Variants in HMOX2 observed in about 807,000 individuals in gnomAD.
HMOX2 encodes heme oxygenase (decycling) 2.
HMOX2 carries 30 observed loss-of-function variants against 33.7 expected under a neutral mutation model. The ratio of observed to expected loss-of-function variants is 0.89; its 90% CI spans 0.67 to 1.21. The LOEUF (loss-of-function observed/expected upper bound fraction) is 1.21, where lower values mean the gene tolerates loss of function less well. Among genes scored for constraint, HMOX2 ranks in the 50% most tolerant of loss-of-function variants. The pLI, the probability that HMOX2 is intolerant of heterozygous loss-of-function variation, is 0.00. For synonymous variants in HMOX2, 155 were observed against 155.0 expected, an observed-to-expected ratio of 1.00 and a Z score of 0.00; for missense variants, 403 against 399.1, an observed-to-expected ratio of 1.01 and a Z score of -0.08.
chr16:4,490,104 C>T (rs529050057), intron 1 of HMOX2, among the ~76,000 whole-genome samples: 1 of 152,194 alleles, frequency 6.6e-6, no homozygotes, highest in Non-Finnish European at 1.5e-5. Flanking sequence ...TAAACATACA[C>T]ATACCATAAC....
At chr16:4,493,743 C>T (rs1411984649) in intron 1 of HMOX2, among the ~76,000 whole-genome samples, 3 of 152,198 alleles carry the variant, frequency 2.0e-5, no homozygotes, top group Admixed American at 1.3e-4. Flanking sequence ...GCCCCAGCTC[C>T]TCGTGTGTCT....
chr16:4,501,323 C>A (rs2058552937), intron 1 of HMOX2, among the ~76,000 whole-genome samples: 1 of 152,084 alleles, frequency 6.6e-6, no homozygotes, highest in African/African-American at 2.4e-5. Context: ...TGTTTGGGAT[C>A]CTTTTTAAAA....
At chr16:4,475,264 C>T (rs4786500), upstream of HMOX2, among the ~76,000 whole-genome samples, 107,433 of 151,766 alleles carry the variant, frequency 0.71, 38,153 homozygotes, top group Non-Finnish European at 0.73. Context: ...TAACTCACTT[C>T]TGAAGTTGCT....
chr16:4,506,836 C>A, intron 2 of HMOX2, 59 bp from the exon 3 acceptor site: 2 of 1,260,032 alleles, frequency 1.6e-6, no homozygotes, highest in Non-Finnish European at 2.3e-6. Flanking sequence ...TCTCTATGGT[C>A]CTTTCTGGAA....
chr16:4,502,411 TG>T (rs2058580842), intron 1 of HMOX2, among the ~76,000 whole-genome samples: 1 of 152,214 alleles, frequency 6.6e-6, no homozygotes, highest in Admixed American at 6.5e-5. Flanking sequence ...TTACTGCAGT[TG>T]GTAACCTGGG....
At chr16:4,500,250 G>T (rs564435091) in intron 1 of HMOX2, among the ~76,000 whole-genome samples, 21 of 152,322 alleles carry the variant, frequency 1.4e-4, no homozygotes, top group African/African-American at 5.1e-4. Context: ...GCAGGCAGGG[G>T]ACCCCCATCC....
At chr16:4,509,367 T>C (rs779298413) in intron 4 of HMOX2, 45 bp from the exon 5 acceptor site, 3 of 1,561,000 alleles carry the variant, frequency 1.9e-6, no homozygotes, top group African/African-American at 1.4e-5. Context: ...AAAAAAAAAG[T>C]ATGGGCAGCC....
At chr16:4,482,185 G>C (rs1301428195) in intron 1 of HMOX2, among the ~76,000 whole-genome samples, 1 of 152,158 alleles carries the variant, frequency 6.6e-6, no homozygotes, top group Admixed American at 6.5e-5. Context: ...TCAAATGTCT[G>C]TGTTCAGTGT....
In HMOX2 at chr16:4,482,516, G is replaced by A. The variant is rs181686769; in HGVS notation, c.-42+6029G>A. Reference sequence around the variant, plus strand: ...TTCTGATACTCTATCTGGAGATAGCGTCAGATCCCACCAATTGAGGGCTCA... The same window carrying A: ...TTCTGATACTCTATCTGGAGATAGCATCAGATCCCACCAATTGAGGGCTCA... On this transcript the variant is annotated intron_variant, in intron 1 of 5. Transcript: ENST00000570646. 8.1e-4 allele frequency among the ~76,000 whole-genome samples: 124 copies of A among 152,196 alleles called. 1 individual carries two copies. In the Middle Eastern group the frequency reaches 0.01, roughly 13 times the overall value.
chr16:4,500,636 CT>C (rs1353532388), intron 1 of HMOX2, among the ~76,000 whole-genome samples: 11 of 152,092 alleles, frequency 7.2e-5, no homozygotes, highest in Non-Finnish European at 1.0e-4. Flanking sequence ...TAATATAGTC[CT>C]TAGATTATAT....
chr16:4,487,814 G>A (rs960737791), intron 1 of HMOX2, among the ~76,000 whole-genome samples: 5 of 151,134 alleles, frequency 3.3e-5, no homozygotes, highest in African/African-American at 7.3e-5. Flanking sequence ...AGCCGGGCGC[G>A]GTGGCATATG....
At chr16:4,509,040 C>A (rs2058764283) in intron 4 of HMOX2, among the ~76,000 whole-genome samples, 1 of 152,198 alleles carries the variant, frequency 6.6e-6, no homozygotes, top group South Asian at 2.1e-4. Context: ...AGCTCACTCT[C>A]TCTGGAGGGC....
intron 1 of HMOX2, among the ~76,000 whole-genome samples, chr16:4,500,746 T>C (rs1490677652): frequency 6.6e-6 from 1 of 152,212 alleles, no homozygotes; most frequent in Non-Finnish European, 1.5e-5. Context: ...TCAGAAGTCC[T>C]GGTAGTGCCT....
intron 1 of HMOX2, among the ~76,000 whole-genome samples, chr16:4,489,890 C>T (rs1157444142): frequency 6.6e-5 from 10 of 152,150 alleles, no homozygotes; most frequent in African/African-American, 2.4e-4. Flanking sequence ...GGATTACAGG[C>T]GTGAGCCACC....
intron 1 of HMOX2, among the ~76,000 whole-genome samples, chr16:4,489,954 A>T (rs1348401817): frequency 6.6e-6 from 1 of 152,218 alleles, no homozygotes; most frequent in Non-Finnish European, 1.5e-5. Context: ...GCCCTCTGTC[A>T]TCAGCACTTT....
At chr16:4,504,851 G>A (rs1406643802) in intron 1 of HMOX2, among the ~76,000 whole-genome samples, 1 of 150,992 alleles carries the variant, frequency 6.6e-6, no homozygotes, top group Admixed American at 6.6e-5. Context: ...CACCATGCCC[G>A]GCTATTTTTT....
At chr16:4,486,819 C>T (rs954130875) in intron 1 of HMOX2, among the ~76,000 whole-genome samples, 2 of 152,238 alleles carry the variant, frequency 1.3e-5, no homozygotes, top group African/African-American at 4.8e-5. Context: ...CACAGCTGAG[C>T]AAACTAGGCC....
At chr16:4,507,670 G>A in intron 3 of HMOX2, 43 bp from the exon 4 acceptor site, 1 of 1,592,174 alleles carries the variant, frequency 6.3e-7, no homozygotes, top group Non-Finnish European at 8.6e-7. Flanking sequence ...GCTCGGATGT[G>A]GTGTGCTCAG....
intron 1 of HMOX2, among the ~76,000 whole-genome samples, chr16:4,490,062 A>T (rs2058268617): frequency 6.6e-6 from 1 of 152,232 alleles, no homozygotes. Flanking sequence ...GGAGGCCAAG[A>T]TAAATGACCT....
Sources: gnomAD v4.1 joint callset for allele counts (sites outside exome capture counted in the v4.1 genomes callset) on GRCh38, gnomAD v4.1.1 for gene constraint, MANE v1.5 for transcripts, NCBI Gene and HGNC (gene_info 2026-07-23, HGNC 2026-07-21) for gene names.